CEP78: variants seen among roughly 807,000 people sequenced by gnomAD.
CEP78 encodes the protein centrosomal protein 78, also known as centrosomal protein of 78 kDa.
Under a neutral mutation model 81.2 loss-of-function variants are expected in CEP78, and 76 were observed. The ratio of observed to expected loss-of-function variants is 0.94; its 90% CI spans 0.78 to 1.13. CEP78 has a LOEUF of 1.13. Ranked by LOEUF, CEP78 falls within the 50% of genes most tolerant of loss-of-function variation. The pLI is 0.00. For synonymous variants in CEP78, 293 were observed against 301.4 expected (o/e 0.97, Z 0.29); for missense variants, 918 against 846.8 (o/e 1.08, Z -1.04).
In CEP78 at chr9:78,278,311, A is replaced by G. The variant is rs1208008122; in HGVS notation, c.*7460A>G. 2.6e-5 allele frequency: 4 copies of G among 152,230 alleles called. No homozygotes were observed. Among genetic ancestry groups the G allele is most frequent in the Non-Finnish European group, 5.9e-5 (4 of 68,040 alleles). 9.4% of individuals were successfully genotyped at this position (152,230 alleles called of 1,614,324 possible). ...AATGTGAATGAAAATGAGCTTTGCT[A>G]CATAACCTCTTTTCAGAGCTTTGTA... On this transcript the variant is annotated 3_prime_UTR_variant, in exon 17 of 17. Coordinates refer to ENST00000643273, the MANE Select transcript of CEP78 (RefSeq NM_001330691.3).
rs1826797012 is a variant in CEP78 at position 78,252,119 on chromosome 9, T to G, written c.1205+76T>G. ...TCTTTATTTTGGAGCTTCTATTATG[T>G]GAGAGTTCTCTGCTTATGTCTGTAG... On this transcript the variant is annotated intron_variant, in intron 9 of 16. Coordinates refer to ENST00000643273, the MANE Select transcript of CEP78 (RefSeq NM_001330691.3). 1.3e-5 allele frequency: 17 copies of G among 1,313,714 alleles called. No individual in the cohort carries two copies. The South Asian group carries it at 2.4e-4, about 19-fold the overall frequency. The allele number at this position is 1,313,714 out of a possible 1,614,324, so 81.4% of individuals were successfully genotyped here.
intron 13 of CEP78, among the ~76,000 whole-genome samples, 199 bp downstream of exon 13, chr9:78,264,515 GAA>G (rs1055072902): frequency 6.6e-6 from 1 of 151,898 alleles, no homozygotes; most frequent in Non-Finnish European, 1.5e-5. Context: ...GGCCCAATAT[GAA>G]AGAGTAAACT....
At position 78,265,535 on chromosome 9, in the gene CEP78, A is replaced by C; in HGVS notation, c.1789A>C (p.Asn597His). The change falls in exon 14 of 17, where the codon AAT becomes CAT. Residue 597 changes from asparagine to histidine, a missense_variant. By Grantham distance (68) the Asn-to-His change is moderately conservative. Coordinates refer to ENST00000643273, the MANE Select transcript of CEP78 (RefSeq NM_001330691.3). ...PKQNALGQMQ[N>H]IQVSICMQSA... is the part of the protein sequence containing the mutation. The stretch of plus-strand genomic sequence containing the variant: ...GCAGAATGCCCTAGGGCAAATGCAA[A>C]ATATCCAGGTAAATGAATAGAACAG... The C allele has an allele frequency of 6.4e-7, 1 of 1,565,752 alleles. No homozygotes were observed.
Position 78,246,693 on chromosome 9 carries a change from T to C in CEP78, c.803T>C (p.Leu268Pro). Residue 268 changes from leucine to proline, a missense_variant, in exon 6 of 17, where the codon CTC (leucine) becomes CCC (proline). Transcript: ENST00000643273. ...LRALDLQQCG[L>P]TNEGAKALLE... Reference sequence around the variant, plus strand: ...GCTCTTGACCTGCAACAGTGCGGCCTCACCAATGAAGGAGCAAAGGCTTTG... The same window carrying C: ...GCTCTTGACCTGCAACAGTGCGGCCCCACCAATGAAGGAGCAAAGGCTTTG... 6.2e-7 allele frequency: 1 copy of C among 1,610,000 alleles called. No homozygotes were observed. The highest frequency in any genetic ancestry group is 8.5e-7 in the Non-Finnish European group (1 of 1,178,128).
chr9:78,254,687 C>G, intron 10 of CEP78, 149 bp from the exon 11 acceptor site: 1 of 405,820 alleles, frequency 2.5e-6, no homozygotes, highest in Non-Finnish European at 4.3e-6. Flanking sequence ...TGTCTTTTTA[C>G]TTTGTTATTG....
chr9:78,267,165 C>T, intron 16 of CEP78: 2 of 636,764 alleles, frequency 3.1e-6, no homozygotes, highest in South Asian at 1.6e-5. Flanking sequence ...CTGTTTTTCC[C>T]TTTGATAGTT....
At chr9:78,260,699 T>TC (rs773452604) in intron 11 of CEP78, among the ~76,000 whole-genome samples, 4 of 129,044 alleles carry the variant, frequency 3.1e-5, no homozygotes, top group Non-Finnish European at 6.3e-5. Flanking sequence ...AGAGCGAGAC[T>TC]CCATCTCAAA....
chr9:78,252,660 A>G (rs1325934467), intron 9 of CEP78, among the ~76,000 whole-genome samples: 3 of 152,238 alleles, frequency 2.0e-5, no homozygotes, highest in African/African-American at 7.2e-5. Flanking sequence ...GAAATTGGAG[A>G]TTAACAATTG....
In CEP78 at chr9:78,260,576, G is replaced by A. The variant is rs531877325; in HGVS notation, c.1381-2331G>A. Among the ~76,000 whole-genome samples, 6 of 151,956 alleles carry A rather than the reference G, an allele frequency of 3.9e-5. No homozygotes were observed. In the South Asian group the frequency reaches 8.4e-4, roughly 21 times the overall value. On this transcript the variant is annotated intron_variant, in intron 11 of 16. Transcript: ENST00000643273. ...CAAAAAATTAGCTGTGCGTGGTGGCGGACACCTGTAGTCCCAGCTACTCAG... is the reference window on the plus strand; with the variant it reads ...CAAAAAATTAGCTGTGCGTGGTGGCAGACACCTGTAGTCCCAGCTACTCAG...
rs1199666844 is a variant in CEP78, at chr9:78,277,448, T to C, written c.*6597T>C. The stretch of plus-strand genomic sequence containing the variant: ...CAAACAACAAAAATTGGACAAAGGC[T>C]ATAAAAATATTTTATAAATAAGAAA... On this transcript the variant is annotated 3_prime_UTR_variant, in exon 17 of 17. Coordinates refer to ENST00000643273, the MANE Select transcript of CEP78 (RefSeq NM_001330691.3). 1 of 152,188 alleles carries C rather than the reference T, an allele frequency of 6.6e-6. No individual in the cohort carries two copies. Among genetic ancestry groups the C allele is most frequent in the African/African-American group, 2.4e-5 (1 of 41,462 alleles). 9.4% of individuals were successfully genotyped at this position (152,188 alleles called of 1,614,324 possible).
At chr9:78,268,599 C>T (rs1157784206) in intron 16 of CEP78, among the ~76,000 whole-genome samples, 1 of 151,986 alleles carries the variant, frequency 6.6e-6, no homozygotes, top group African/African-American at 2.4e-5. Flanking sequence ...ACTTATCCTC[C>T]CAATTCCTCT....
chr9:78,275,887 A>G lies in CEP78; in HGVS notation c.*5036A>G, dbSNP rs917293647. The stretch of plus-strand genomic sequence containing the variant: ...GCTTGAGGCCGGGATTCGAGGCTGC[A>G]GTGAGCTGTGATCATGCCACCACTG... On this transcript the variant is annotated 3_prime_UTR_variant, in exon 17 of 17. Coordinates refer to ENST00000643273, the MANE Select transcript of CEP78 (RefSeq NM_001330691.3). 3 of 152,394 alleles carry G rather than the reference A, an allele frequency of 2.0e-5. No homozygotes were observed. Among genetic ancestry groups the G allele is most frequent in the African/African-American group, 7.2e-5 (3 of 41,438 alleles). 9.4% of individuals were successfully genotyped at this position (152,394 alleles called of 1,614,324 possible).
chr9:78,264,029 A>G (rs2118459133), intron 12 of CEP78, 121 bp from the exon 13 acceptor site: 1 of 654,298 alleles, frequency 1.5e-6, no homozygotes, highest in Non-Finnish European at 2.4e-6. Flanking sequence ...CTTTACTGGT[A>G]GAGAGTTAGA....
In CEP78 at chr9:78,273,366, G is replaced by C. The variant is rs1053242902; in HGVS notation, c.*2515G>C. 6.6e-6 allele frequency: 1 copy of C among 152,118 alleles called. No individual in the cohort carries two copies. Among genetic ancestry groups the C allele is most frequent in the African/African-American group, 2.4e-5 (1 of 41,434 alleles). The allele number at this position is 152,118 out of a possible 1,614,324, so 9.4% of individuals were successfully genotyped here. ...AACCCAAGGTGAAAATTGGTAAAGG[G>C]GACAAAAGCTTCTTTTGGCTGATAA... On this transcript the variant is annotated 3_prime_UTR_variant, in exon 17 of 17. Coordinates refer to ENST00000643273, the MANE Select transcript of CEP78 (RefSeq NM_001330691.3).
At position 78,278,080 on chromosome 9, in the gene CEP78, G is replaced by A. The variant is rs981787448; in HGVS notation, c.*7229G>A. ...TAACACATATCAAGCTATTGACAGCGGTTTTGTCTGCTGAAGGAGGAAAAA... is the reference window on the plus strand; with the variant it reads ...TAACACATATCAAGCTATTGACAGCAGTTTTGTCTGCTGAAGGAGGAAAAA... On this transcript the variant is annotated 3_prime_UTR_variant, in exon 17 of 17. Coordinates refer to ENST00000643273, the MANE Select transcript of CEP78 (RefSeq NM_001330691.3). 2.3e-4 allele frequency: 35 copies of A among 151,982 alleles called. 1 individual carries two copies. The highest frequency in any genetic ancestry group is 1.9e-3 in the Admixed American group (29 of 15,262). The allele number at this position is 151,982 out of a possible 1,614,324, so 9.4% of individuals were successfully genotyped here.
In CEP78 at chr9:78,262,990, TAA is replaced by T. The variant is rs1181579643; in HGVS notation, c.1458+9_1458+10del. The T allele has an allele frequency of 1.7e-5, 26 of 1,524,234 alleles. No individual in the cohort carries two copies. Among genetic ancestry groups the T allele is most frequent in the Middle Eastern group, 1.7e-4 (1 of 5,826 alleles). 94.4% of individuals were successfully genotyped at this position (1,524,234 alleles called of 1,614,324 possible). On this transcript the variant is annotated splice_region_variant and intron_variant, in intron 12 of 16. Transcript: ENST00000643273. ...TTGATAAACGAGTCAGTGAGGTAAA[TAA>T]AAGTTTTCTTACCTTTTGAGAGTTT...
intron 1 of CEP78, among the ~76,000 whole-genome samples, chr9:78,238,328 A>G (rs529197676): frequency 1.1e-4 from 17 of 152,028 alleles, no homozygotes; most frequent in Non-Finnish European, 2.1e-4. Context: ...GTTTGTCTTT[A>G]ATGTTTTAAG....
At chr9:78,269,639 T>C (rs1827647936) in intron 16 of CEP78, among the ~76,000 whole-genome samples, 1 of 152,104 alleles carries the variant, frequency 6.6e-6, no homozygotes, top group Admixed American at 6.5e-5. Flanking sequence ...GACAGTTAGG[T>C]CCCAGGTGAC....
Position 78,243,532 on chromosome 9 carries a change from G to A in CEP78, c.674G>A (p.Cys225Tyr), listed in dbSNP as rs1290657841. 36 of 1,613,736 alleles carry A rather than the reference G, an allele frequency of 2.2e-5. No homozygotes were observed. The highest frequency in any genetic ancestry group is 3.1e-5 in the Non-Finnish European group (36 of 1,179,808). Residue 225 changes from cysteine to tyrosine, a missense_variant, in exon 5 of 17, where the codon TGT (cysteine) becomes TAT (tyrosine). Cys to Tyr is a radical substitution (Grantham distance 194). Coordinates refer to ENST00000643273, the MANE Select transcript of CEP78 (RefSeq NM_001330691.3). ...SLRYRRPDLD[C>Y]MAGLRRITLN... ...CGCTATAGGAGACCTGATCTTGACT[G>A]TATGGCTGGCTTAAGACGTATCACA...
Sources: allele counts gnomAD v4.1 joint callset (sites outside exome capture counted in the v4.1 genomes callset), GRCh38; gene constraint gnomAD v4.1.1; transcripts MANE v1.5; gene names NCBI Gene and HGNC (gene_info 2026-07-23, HGNC 2026-07-21).